Variants in GFRA1 observed in about 807,000 individuals in gnomAD.
The protein encoded by GFRA1 is GDNF family receptor alpha-1.
Under a neutral mutation model 51.6 loss-of-function variants are expected in GFRA1, and 16 were observed. The observed-to-expected ratio is 0.31, with a 90% CI of 0.21 to 0.47. The LOEUF is 0.47. Among genes scored for constraint, GFRA1 ranks in the 20% least tolerant of loss-of-function variants. The probability of loss-of-function intolerance (pLI) is 1.00; values close to 1 mark genes in which losing one functional copy is unlikely to be tolerated. For synonymous variants in GFRA1, 270 were observed against 241.3 expected, an observed-to-expected ratio of 1.12 and a Z score of -1.10; for missense variants, 530 against 594.3, an observed-to-expected ratio of 0.89 and a Z score of 1.13.
intron 7 of GFRA1, among the ~76,000 whole-genome samples, chr10:116,094,061 G>C (rs1227750940): frequency 6.6e-6 from 1 of 152,156 alleles, no homozygotes; most frequent in Non-Finnish European, 1.5e-5. Flanking sequence ...AACTCCTTGA[G>C]CTGCACTTAG....
intron 5 of GFRA1, among the ~76,000 whole-genome samples, chr10:116,159,718 G>A (rs561483697): frequency 4.1e-4 from 62 of 152,266 alleles, no homozygotes; most frequent in African/African-American, 1.2e-3. Flanking sequence ...GGGAGACTGC[G>A]GCTGCACGGA....
rs560074797 is a variant in GFRA1 at position 116,100,922 on chromosome 10, G to A, written c.771-4158C>T. ...GGAGGGGTGAGAACAGAATCGAGAG[G>A]AGGACAGCTCAGCAGACAGTGGGGC... On this transcript the variant is annotated intron_variant, in intron 6 of 10. Coordinates refer to ENST00000355422, the MANE Select transcript of GFRA1 (RefSeq NM_005264.8). Among the ~76,000 whole-genome samples the A allele has an allele frequency of 2.7e-5, 4 of 149,048 alleles. No individual in the cohort carries two copies. In the South Asian group the frequency reaches 6.2e-4, roughly 23 times the overall value.
At chr10:116,106,473 C>A (rs1264139320) in intron 6 of GFRA1, among the ~76,000 whole-genome samples, 1 of 152,232 alleles carries the variant, frequency 6.6e-6, no homozygotes, top group African/African-American at 2.4e-5. Flanking sequence ...CCACCCAAAT[C>A]TCACGCTGAA....
intron 6 of GFRA1, among the ~76,000 whole-genome samples, chr10:116,122,147 C>T (rs896923603): frequency 3.6e-4 from 55 of 152,158 alleles, no homozygotes; most frequent in African/African-American, 1.2e-3. Flanking sequence ...ACCCATCAAT[C>T]ACACTGAGAC....
intron 4 of GFRA1, among the ~76,000 whole-genome samples, chr10:116,225,532 T>C (rs1256765863): frequency 3.5e-5 from 1 of 28,794 alleles, no homozygotes. Flanking sequence ...AGAGTCTGTC[T>C]CCAAAAAAAA....
intron 5 of GFRA1, among the ~76,000 whole-genome samples, chr10:116,130,101 A>T (rs1589812092): frequency 6.6e-6 from 1 of 151,716 alleles, no homozygotes; most frequent in African/African-American, 2.4e-5. Context: ...AAAAGCACTT[A>T]AAAGGAATAT....
intron 9 of GFRA1, among the ~76,000 whole-genome samples, chr10:116,066,890 C>A (rs1955140477): frequency 6.6e-6 from 1 of 152,242 alleles, no homozygotes; most frequent in African/African-American, 2.4e-5. Context: ...ATGGCACTGG[C>A]AGGCTGCCTG....
intron 4 of GFRA1, among the ~76,000 whole-genome samples, chr10:116,261,681 A>T (rs1969313292): frequency 6.6e-6 from 1 of 152,252 alleles, no homozygotes; most frequent in Non-Finnish European, 1.5e-5. Context: ...CAAGATCACA[A>T]GTTTCCTTGG....
chr10:116,132,559 C>T lies in GFRA1; in HGVS notation c.434-7002G>A, dbSNP rs148876323. Among the ~76,000 whole-genome samples, 201 of 152,286 alleles carry T rather than the reference C, an allele frequency of 1.3e-3. 1 individual carries two copies. Among genetic ancestry groups the T allele is most frequent in the African/African-American group, 4.8e-3 (199 of 41,554 alleles). On this transcript the variant is annotated intron_variant, in intron 5 of 10. Coordinates refer to ENST00000355422, the MANE Select transcript of GFRA1 (RefSeq NM_005264.8). ...TGCGCACGGCACATGGGAAATCACT[C>T]TTGGCCCCTCCCCTCCTTTCGCCCG...
chr10:116,122,907 C>A (rs1957705640), intron 6 of GFRA1, among the ~76,000 whole-genome samples: 1 of 152,160 alleles, frequency 6.6e-6, no homozygotes, highest in Non-Finnish European at 1.5e-5. Flanking sequence ...AAGATCACAT[C>A]TTATTATAGA....
rs796408610 is a variant in GFRA1 at position 116,196,559 on chromosome 10, A to G, written c.433+15072T>C. ...TAAATTTATATATATTTTTATATATACTATATATAATATATATAATATATA... is the reference window on the plus strand; with the variant it reads ...TAAATTTATATATATTTTTATATATGCTATATATAATATATATAATATATA... On this transcript the variant is annotated intron_variant, in intron 5 of 10. Coordinates refer to ENST00000355422, the MANE Select transcript of GFRA1 (RefSeq NM_005264.8). Among the ~76,000 whole-genome samples the G allele has an allele frequency of 3.6e-4, 31 of 86,078 alleles. No individual in the cohort carries two copies. The East Asian group carries it at 0.011, about 30-fold the overall frequency. 56.5% of individuals were successfully genotyped at this position (86,078 alleles called of 152,430 possible).
At position 116,270,690 on chromosome 10, in the gene GFRA1, G is replaced by A. The variant is rs904770805; in HGVS notation, c.334+132C>T. The A allele has an allele frequency of 4.1e-6, 3 of 723,486 alleles. No individual in the cohort carries two copies. The Admixed American group carries it at 7.0e-5, about 17-fold the overall frequency. The allele number at this position is 723,486 out of a possible 1,614,324, so 44.8% of individuals were successfully genotyped here. ...AAACACCAGCTGCCGTTGTCCCTGGGGGCCAAGGAAAGGTCCTCACTCTGC... is the reference window on the plus strand; with the variant it reads ...AAACACCAGCTGCCGTTGTCCCTGGAGGCCAAGGAAAGGTCCTCACTCTGC... On this transcript the variant is annotated intron_variant, in intron 3 of 10. Transcript: ENST00000355422.
At chr10:116,261,488 C>T (rs2134762084) in intron 4 of GFRA1, among the ~76,000 whole-genome samples, 2 of 152,338 alleles carry the variant, frequency 1.3e-5, no homozygotes, top group Non-Finnish European at 2.9e-5. Context: ...CTCCTAGCTT[C>T]ATTTTCTCTT....
Position 116,061,969 on chromosome 10 carries a change from T to C in GFRA1, c.*2429A>G, listed in dbSNP as rs1273177758. 2 of 398,500 alleles carry C rather than the reference T, an allele frequency of 5.0e-6. No individual in the cohort carries two copies. Among genetic ancestry groups the C allele is most frequent in the African/African-American group, 4.1e-5 (2 of 48,642 alleles). The allele number at this position is 398,500 out of a possible 1,614,324, so 24.7% of individuals were successfully genotyped here. On this transcript the variant is annotated 3_prime_UTR_variant, in exon 11 of 11. Coordinates refer to ENST00000355422, the MANE Select transcript of GFRA1 (RefSeq NM_005264.8). ...CCCTATTTATTTAATCAGCAACTGA[T>C]TTTCAAATTGAGGAGCTGGTAACTT...
intron 5 of GFRA1, among the ~76,000 whole-genome samples, chr10:116,146,873 A>G (rs1349451410): frequency 6.6e-6 from 1 of 152,224 alleles, no homozygotes; most frequent in Non-Finnish European, 1.5e-5. Context: ...ATTTTTACAA[A>G]AACATATATT....
At chr10:116,092,132 C>CACACAT (rs1190833156) in intron 8 of GFRA1, among the ~76,000 whole-genome samples, 51 of 151,148 alleles carry the variant, frequency 3.4e-4, no homozygotes, top group Non-Finnish European at 3.8e-4. Context: ...CACACACACA[C>CACACAT]ACACACATTT....
intron 6 of GFRA1, 75 bp downstream of exon 6, chr10:116,125,146 G>A: frequency 4.7e-6 from 6 of 1,281,802 alleles, no homozygotes; most frequent in Non-Finnish European, 6.8e-6. Flanking sequence ...ACAGAAAAGG[G>A]AGCTTGGCAG....
At chr10:116,140,302 T>C (rs1958507392) in intron 5 of GFRA1, among the ~76,000 whole-genome samples, 1 of 152,242 alleles carries the variant, frequency 6.6e-6, no homozygotes, top group African/African-American at 2.4e-5. Context: ...TCAGAGTTTC[T>C]GTTTGATCTA....
chr10:116,192,535 A>G lies in GFRA1; in HGVS notation c.433+19096T>C, dbSNP rs76769998. 7.9e-3 allele frequency among the ~76,000 whole-genome samples: 1,209 copies of G among 152,300 alleles called. 12 individuals carry two copies. The highest frequency in any genetic ancestry group is 0.027 in the African/African-American group (1,121 of 41,566). ...TGAATGAATCGTCCAAGGCAAACAC[A>G]GAGCTCGCTTTGTTTGGAGGCTGAA... On this transcript the variant is annotated intron_variant, in intron 5 of 10. Transcript: ENST00000355422.
Sources: allele counts gnomAD v4.1 joint callset (sites outside exome capture counted in the v4.1 genomes callset), GRCh38; gene constraint gnomAD v4.1.1; transcripts MANE v1.5; gene names NCBI Gene and HGNC (gene_info 2026-07-23, HGNC 2026-07-21).